Variants in CSMD1 observed in about 807,000 individuals in gnomAD.
CSMD1 encodes the protein CUB and Sushi multiple domains 1, also known as CUB and sushi domain-containing protein 1.
A neutral mutation model predicts 417.5 loss-of-function variants in CSMD1; 213 were observed. That is an observed-to-expected ratio of 0.51 (90% CI 0.46 to 0.57). CSMD1 has a LOEUF of 0.57. Ranked by LOEUF, CSMD1 falls within the 20% of genes least tolerant of loss-of-function variation. CSMD1 has a pLI of 0.00. For missense variants in CSMD1, 6,923 were observed against 4,529.7 expected, an observed-to-expected ratio of 1.53 and a Z score of -15.17; for synonymous variants, 2,862 against 1,736.8, an observed-to-expected ratio of 1.65 and a Z score of -16.11.
At chr8:3,437,655 T>A (rs977176269) in intron 12 of CSMD1, among the ~76,000 whole-genome samples, 1 of 152,234 alleles carries the variant, frequency 6.6e-6, no homozygotes, top group East Asian at 1.9e-4. Flanking sequence ...TAATTTATTA[T>A]TAACATTAAT....
At position 2,936,170 on chromosome 8, in the gene CSMD1, C is replaced by G. The variant is rs1040084979; in HGVS notation, c.*2415G>C. 3 of 151,872 alleles carry G rather than the reference C, an allele frequency of 2.0e-5. No homozygotes were observed. Among genetic ancestry groups the G allele is most frequent in the Non-Finnish European group, 4.4e-5 (3 of 67,986 alleles). 9.4% of individuals were successfully genotyped at this position (151,872 alleles called of 1,614,324 possible). ...ATGCTTCAAACTGGCAACCCTAGGA[C>G]AGTTTGACTTTGCACACAAAGGAAA... On this transcript the variant is annotated 3_prime_UTR_variant, in exon 70 of 70. Transcript: ENST00000635120.
chr8:4,040,332 T>C lies in CSMD1; in HGVS notation c.416-8233A>G, dbSNP rs542939539. On this transcript the variant is annotated intron_variant, in intron 3 of 69. Coordinates refer to ENST00000635120, the MANE Select transcript of CSMD1 (RefSeq NM_033225.6). ...GTCGTTTATATATATTGAGTATGTA[T>C]CAGTAAGTACTATTATTATGCCCAT... Among the ~76,000 whole-genome samples, 116 of 152,306 alleles carry C rather than the reference T, an allele frequency of 7.6e-4. 1 individual carries two copies. Among genetic ancestry groups the C allele is most frequent in the African/African-American group, 2.6e-3 (110 of 41,572 alleles).
intron 3 of CSMD1, among the ~76,000 whole-genome samples, chr8:4,149,204 T>C (rs7000155): frequency 0.42 from 64,427 of 151,902 alleles, 14,249 homozygotes; most frequent in East Asian, 0.54. Context: ...CCTCAGGTGA[T>C]CCGTCCACCT....
At chr8:3,488,781 C>G (rs544364038) in intron 11 of CSMD1, among the ~76,000 whole-genome samples, 6 of 152,146 alleles carry the variant, frequency 3.9e-5, no homozygotes, top group African/African-American at 9.7e-5. Context: ...TTGAGTCTGT[C>G]TATACTGTCA....
At chr8:3,032,603 C>G (rs1388658313) in intron 50 of CSMD1, among the ~76,000 whole-genome samples, 1 of 152,012 alleles carries the variant, frequency 6.6e-6, no homozygotes, top group Non-Finnish European at 1.5e-5. Context: ...CCCCCAAACA[C>G]CTACCCCAGT....
chr8:4,940,178 G>A (rs1585372015), intron 1 of CSMD1, among the ~76,000 whole-genome samples: 1 of 152,108 alleles, frequency 6.6e-6, no homozygotes, highest in African/African-American at 2.4e-5. Flanking sequence ...GATATTGACT[G>A]ACCTATTTCC....
intron 3 of CSMD1, among the ~76,000 whole-genome samples, chr8:4,193,664 C>G (rs1414614185): frequency 2.0e-5 from 3 of 152,112 alleles, no homozygotes; most frequent in African/African-American, 4.8e-5. Flanking sequence ...TTTACCCAAA[C>G]ACGGCAAACC....
chr8:3,797,046 C>G (rs970800100), intron 5 of CSMD1, among the ~76,000 whole-genome samples: 6 of 151,718 alleles, frequency 4.0e-5, no homozygotes, highest in African/African-American at 9.7e-5. Context: ...TCAGCACATA[C>G]GTGGTAGGGC....
chr8:4,424,027 C>A (rs1316726140), intron 2 of CSMD1, among the ~76,000 whole-genome samples: 2 of 151,764 alleles, frequency 1.3e-5, no homozygotes, highest in Non-Finnish European at 2.9e-5. Context: ...AGTTTAACAC[C>A]TTATATAAAA....
intron 2 of CSMD1, among the ~76,000 whole-genome samples, chr8:4,489,725 G>C (rs1801603508): frequency 1.3e-5 from 2 of 152,180 alleles, no homozygotes; most frequent in South Asian, 4.1e-4. Context: ...TCACACCCTG[G>C]CTGGCAGGGA....
chr8:4,862,043 A>C (rs572703414), intron 1 of CSMD1, among the ~76,000 whole-genome samples: 3 of 152,088 alleles, frequency 2.0e-5, no homozygotes, highest in Non-Finnish European at 4.4e-5. Flanking sequence ...ATTGCGTTTT[A>C]ATACAGGATG....
intron 1 of CSMD1, among the ~76,000 whole-genome samples, chr8:4,969,741 C>G (rs1253401670): frequency 6.6e-6 from 1 of 152,044 alleles, no homozygotes; most frequent in Admixed American, 6.6e-5. Flanking sequence ...TTGCACTATG[C>G]TCCACTGTTT....
intron 3 of CSMD1, among the ~76,000 whole-genome samples, chr8:4,221,152 C>G (rs1801007811): frequency 1.3e-5 from 2 of 152,172 alleles, no homozygotes; most frequent in Admixed American, 6.5e-5. Flanking sequence ...GGAGGAATAT[C>G]ACTGAAGCTC....
At chr8:4,065,960 G>A (rs2114247) in intron 3 of CSMD1, among the ~76,000 whole-genome samples, 1 of 152,090 alleles carries the variant, frequency 6.6e-6, no homozygotes, top group African/African-American at 2.4e-5. Context: ...ATTGATGTTC[G>A]TCCAATTTGG....
chr8:3,651,182 C>G (rs1797835915), intron 7 of CSMD1, among the ~76,000 whole-genome samples: 1 of 152,170 alleles, frequency 6.6e-6, no homozygotes. Context: ...TCTCTGTTCC[C>G]TAGAATGTAT....
intron 12 of CSMD1, among the ~76,000 whole-genome samples, chr8:3,431,705 G>A (rs1327399966): frequency 6.6e-6 from 1 of 152,134 alleles, no homozygotes; most frequent in Admixed American, 6.6e-5. Context: ...CTAAAATTAA[G>A]AGGAAACACA....
chr8:3,797,588 T>C (rs371260431), intron 5 of CSMD1, among the ~76,000 whole-genome samples: 1 of 151,952 alleles, frequency 6.6e-6, no homozygotes, highest in Non-Finnish European at 1.5e-5. Context: ...TTCACAAATG[T>C]TTTATGTTTC....
At chr8:4,030,323 C>A (rs1019225453) in intron 4 of CSMD1, among the ~76,000 whole-genome samples, 1 of 152,228 alleles carries the variant, frequency 6.6e-6, no homozygotes, top group Non-Finnish European at 1.5e-5. Flanking sequence ...ATCTGGACAT[C>A]TAGGAATTTC....
intron 3 of CSMD1, among the ~76,000 whole-genome samples, chr8:4,299,112 T>C (rs1314547955): frequency 2.0e-5 from 3 of 152,148 alleles, no homozygotes; most frequent in South Asian, 2.1e-4. Context: ...GGTGATAGAA[T>C]ACAGAAAACA....
Sources: gnomAD v4.1 joint callset for allele counts (sites outside exome capture counted in the v4.1 genomes callset) on GRCh38, gnomAD v4.1.1 for gene constraint, MANE v1.5 for transcripts, NCBI Gene and HGNC (gene_info 2026-07-23, HGNC 2026-07-21) for gene names.